The following ZBTB7C variants were observed in gnomAD, a reference collection of about 807,000 sequenced individuals.
ZBTB7C encodes zinc finger and BTB domain-containing protein 7C.
A neutral mutation model predicts 25.7 loss-of-function variants in ZBTB7C; 8 were observed. The ratio of observed to expected loss-of-function variants is 0.31; its 90% CI spans 0.18 to 0.56. ZBTB7C has a LOEUF of 0.56. Among genes scored for constraint, ZBTB7C ranks in the 20% least tolerant of loss-of-function variants. The pLI is 0.91. For synonymous variants in ZBTB7C, 394 were observed against 369.0 expected (o/e 1.07, Z -0.78); for missense variants, 824 against 855.2 (o/e 0.96, Z 0.46).
At chr18:48,244,766 A>G (rs2043628195) in intron 2 of ZBTB7C, among the ~76,000 whole-genome samples, 1 of 152,176 alleles carries the variant, frequency 6.6e-6, no homozygotes. Context: ...AAGAAGGGCC[A>G]TAATTTAAAA....
chr18:48,044,562 T>C (rs535417780), intron 3 of ZBTB7C, among the ~76,000 whole-genome samples: 1 of 152,352 alleles, frequency 6.6e-6, no homozygotes, highest in South Asian at 2.1e-4. Context: ...CTGGATCAGA[T>C]GGGAGGCCTC....
chr18:48,302,127 A>C (rs2045559186), intron 2 of ZBTB7C, among the ~76,000 whole-genome samples: 1 of 152,140 alleles, frequency 6.6e-6, no homozygotes, highest in Admixed American at 6.5e-5. Context: ...CTTCTCCAGG[A>C]GTTGACGCTG....
intron 1 of ZBTB7C, among the ~76,000 whole-genome samples, chr18:48,340,733 C>T (rs1034064205): frequency 3.3e-5 from 5 of 152,312 alleles, no homozygotes; most frequent in South Asian, 4.1e-4. Context: ...ATGGTGCTGT[C>T]GCCCTCACTC....
At chr18:48,405,594 G>C (rs1178466162) in intron 1 of ZBTB7C, among the ~76,000 whole-genome samples, 2 of 152,302 alleles carry the variant, frequency 1.3e-5, no homozygotes, top group Admixed American at 1.3e-4. Flanking sequence ...CAGCCTTTTG[G>C]ATAAGATAAA....
At chr18:48,362,649 A>G (rs2145108825) in intron 1 of ZBTB7C, among the ~76,000 whole-genome samples, 1 of 152,292 alleles carries the variant, frequency 6.6e-6, no homozygotes, top group Admixed American at 6.5e-5. Flanking sequence ...ACTGGCAAAG[A>G]CAAAGCCTCC....
chr18:48,394,693 A>C (rs1412210151), intron 1 of ZBTB7C, among the ~76,000 whole-genome samples: 1 of 152,156 alleles, frequency 6.6e-6, no homozygotes, highest in African/African-American at 2.4e-5. Context: ...TACAAGGCTA[A>C]TACATTAGCA....
At chr18:48,248,255 G>C (rs534797761) in intron 2 of ZBTB7C, among the ~76,000 whole-genome samples, 1 of 152,248 alleles carries the variant, frequency 6.6e-6, no homozygotes, top group East Asian at 1.9e-4. Context: ...TAATTTTCCT[G>C]AGGCCTCCCC....
At chr18:48,222,006 C>T (rs2042975857) in intron 2 of ZBTB7C, among the ~76,000 whole-genome samples, 1 of 151,888 alleles carries the variant, frequency 6.6e-6, no homozygotes, top group South Asian at 2.1e-4. Flanking sequence ...TCCTAGTCTC[C>T]CTCTATACTG....
intron 2 of ZBTB7C, among the ~76,000 whole-genome samples, chr18:48,235,343 A>C (rs1405794705): frequency 6.6e-6 from 1 of 152,154 alleles, no homozygotes; most frequent in Non-Finnish European, 1.5e-5. Context: ...TTACTCTTAA[A>C]TGTTTTAACA....
intron 2 of ZBTB7C, among the ~76,000 whole-genome samples, chr18:48,249,488 C>T (rs1342859899): frequency 6.6e-6 from 1 of 152,176 alleles, no homozygotes; most frequent in Non-Finnish European, 1.5e-5. Context: ...TCATTGAAAA[C>T]AGGCAGAATA....
intron 2 of ZBTB7C, among the ~76,000 whole-genome samples, chr18:48,227,019 C>CAAAAAAAAAAAAAAAAAAAAA (rs1187830776): frequency 1.8e-5 from 1 of 56,122 alleles, no homozygotes; most frequent in Non-Finnish European, 3.7e-5. Context: ...GACTCCATCT[C>CAAAAAAAAAAAAAAAAAAAAA]AAAAAAAAAA....
intron 3 of ZBTB7C, among the ~76,000 whole-genome samples, chr18:48,051,974 T>C (rs2036705469): frequency 6.6e-6 from 1 of 152,228 alleles, no homozygotes; most frequent in Non-Finnish European, 1.5e-5. Flanking sequence ...GCACACCTCT[T>C]TCATGTTCAA....
At chr18:48,249,786 A>G (rs2043796193) in intron 2 of ZBTB7C, among the ~76,000 whole-genome samples, 1 of 152,112 alleles carries the variant, frequency 6.6e-6, no homozygotes, top group South Asian at 2.1e-4. Flanking sequence ...TATTTACACT[A>G]CAATAGCAAG....
chr18:48,311,235 G>T (rs78626846), intron 2 of ZBTB7C, among the ~76,000 whole-genome samples: 5,622 of 152,220 alleles, frequency 0.037, 216 homozygotes, highest in African/African-American at 0.093. Context: ...GCCTGCCCGT[G>T]GTGGGAGCTG....
At chr18:48,031,833 C>A (rs563997127) in intron 4 of ZBTB7C, among the ~76,000 whole-genome samples, 14 of 152,344 alleles carry the variant, frequency 9.2e-5, no homozygotes, top group African/African-American at 3.4e-4. Context: ...TCATGGCAGG[C>A]CCGGGAGTCA....
chr18:48,091,526 C>A (rs1006110921), intron 3 of ZBTB7C, among the ~76,000 whole-genome samples: 1 of 152,166 alleles, frequency 6.6e-6, no homozygotes, highest in African/African-American at 2.4e-5. Context: ...TATCTACAGG[C>A]AGCTCATGGT....
At chr18:48,074,036 C>T (rs1340798007) in intron 3 of ZBTB7C, among the ~76,000 whole-genome samples, 6 of 144,416 alleles carry the variant, frequency 4.2e-5, no homozygotes, top group East Asian at 2.0e-4. Context: ...TTTTTTCAGA[C>T]GGAGTCTCGT....
At chr18:48,279,162 C>T (rs1220095122) in intron 2 of ZBTB7C, among the ~76,000 whole-genome samples, 2 of 152,116 alleles carry the variant, frequency 1.3e-5, no homozygotes, top group Non-Finnish European at 2.9e-5. Flanking sequence ...CCGGCACCCC[C>T]ACTCCTCAGA....
chr18:48,260,267 T>A (rs896342307), intron 2 of ZBTB7C, among the ~76,000 whole-genome samples: 1 of 152,218 alleles, frequency 6.6e-6, no homozygotes, highest in Non-Finnish European at 1.5e-5. Flanking sequence ...TGAGCCTATT[T>A]ATATAAAATT....
Sources: allele counts gnomAD v4.1 joint callset (sites outside exome capture counted in the v4.1 genomes callset), GRCh38; gene constraint gnomAD v4.1.1; transcripts MANE v1.5; gene names NCBI Gene and HGNC (gene_info 2026-07-23, HGNC 2026-07-21).